The following PLXNA4 variants were observed in gnomAD, a reference collection of about 807,000 sequenced individuals.
PLXNA4 encodes plexin A4, also known as plexin-A4.
PLXNA4 carries 44 observed loss-of-function variants against 191.8 expected under a neutral mutation model. The ratio of observed to expected loss-of-function variants is 0.23; its 90% CI spans 0.18 to 0.29. The LOEUF is 0.29. PLXNA4 is among the 10% of genes least tolerant of loss of function. The pLI is 1.00. For missense variants in PLXNA4, 1,800 were observed against 2,488.8 expected (o/e 0.72, Z 5.89); for synonymous variants, 1,082 against 1,009.5 (o/e 1.07, Z -1.36).
intron 10 of PLXNA4, among the ~76,000 whole-genome samples, chr7:132,207,697 C>T (rs1424202364): frequency 6.6e-6 from 1 of 152,228 alleles, no homozygotes; most frequent in African/African-American, 2.4e-5. Flanking sequence ...TTATCACCCA[C>T]CTCCTTCTGC....
intron 3 of PLXNA4, among the ~76,000 whole-genome samples, chr7:132,420,190 C>T (rs1030179633): frequency 6.6e-6 from 1 of 152,184 alleles, no homozygotes; most frequent in African/African-American, 2.4e-5. Flanking sequence ...TGTATTAGAG[C>T]ATGAATTCTA....
At chr7:132,612,946 C>A (rs1175376024) in intron 2 of PLXNA4, among the ~76,000 whole-genome samples, 3 of 151,928 alleles carry the variant, frequency 2.0e-5, no homozygotes, top group Non-Finnish European at 4.4e-5. Flanking sequence ...AATATATATA[C>A]ATTTACTACA....
intron 2 of PLXNA4, among the ~76,000 whole-genome samples, chr7:132,607,676 C>T (rs1802952712): frequency 6.6e-6 from 1 of 152,188 alleles, no homozygotes; most frequent in South Asian, 2.1e-4. Flanking sequence ...TCACTTTCCT[C>T]ACGTTAATTA....
chr7:132,181,436 G>T lies in PLXNA4; in HGVS notation c.3437C>A (p.Ala1146Asp). 1 of 1,614,114 alleles carries T rather than the reference G, an allele frequency of 6.2e-7. No homozygotes were observed. The highest frequency in any genetic ancestry group is 8.5e-7 in the Non-Finnish European group (1 of 1,180,028). Residue 1146 changes from alanine (A) to aspartate (D), a missense_variant, in exon 18 of 32, where the codon GCC becomes GAC. Physicochemically the swap from Ala to Asp is moderately radical, Grantham distance 126. This residue lies in a region of PLXNA4 where 1,397 missense variants were observed against 1,880.4 expected (regional missense o/e 0.74). Transcript: ENST00000321063. ...FTYYPNPVFE[A>D]FGPSGILELK... is the part of the protein sequence containing the mutation. ...CTCCAGGATTCCTGAGGGACCAAAGGCCTCAAACACCGGGTTGGGATAGTA... is the reference window on the plus strand; with the variant it reads ...CTCCAGGATTCCTGAGGGACCAAAGTCCTCAAACACCGGGTTGGGATAGTA...
chr7:132,607,011 G>T (rs1408874129), intron 2 of PLXNA4, among the ~76,000 whole-genome samples: 1 of 152,146 alleles, frequency 6.6e-6, no homozygotes, highest in Non-Finnish European at 1.5e-5. Context: ...TTGGAATGGG[G>T]TTTCTGAATC....
At chr7:132,368,276 T>G (rs1422214940) in intron 3 of PLXNA4, among the ~76,000 whole-genome samples, 1 of 152,140 alleles carries the variant, frequency 6.6e-6, no homozygotes, top group Non-Finnish European at 1.5e-5. Flanking sequence ...TTAGTGTTTT[T>G]CCTTTAGGTT....
intron 1 of PLXNA4, among the ~76,000 whole-genome samples, chr7:132,574,654 C>G (rs1236309485): frequency 6.6e-6 from 1 of 152,200 alleles, no homozygotes; most frequent in Admixed American, 6.5e-5. Flanking sequence ...TTGCTTTATT[C>G]CATCTATGCT....
At chr7:132,607,678 C>T (rs181121289) in intron 2 of PLXNA4, among the ~76,000 whole-genome samples, 70 of 152,288 alleles carry the variant, frequency 4.6e-4, no homozygotes, top group African/African-American at 1.4e-3. Flanking sequence ...ACTTTCCTCA[C>T]GTTAATTAAT....
At chr7:132,152,854 C>T (rs891648041) in intron 25 of PLXNA4, among the ~76,000 whole-genome samples, 4 of 152,204 alleles carry the variant, frequency 2.6e-5, no homozygotes, top group Non-Finnish European at 5.9e-5. Flanking sequence ...AGGACACCTA[C>T]AGTCCCATCT....
intron 3 of PLXNA4, among the ~76,000 whole-genome samples, chr7:132,464,781 G>A (rs1345719509): frequency 3.3e-5 from 5 of 152,204 alleles, no homozygotes; most frequent in Admixed American, 6.5e-5. Context: ...TGCCAGTGGT[G>A]TAGGCATTCT....
Position 132,152,102 on chromosome 7 carries a change from C to T in PLXNA4, c.4661-3456G>A, listed in dbSNP as rs142518433. Among the ~76,000 whole-genome samples the T allele has an allele frequency of 1.7e-3, 261 of 152,292 alleles. 2 individuals carry two copies. Among genetic ancestry groups the T allele is most frequent in the African/African-American group, 6.1e-3 (254 of 41,560 alleles). ...TGGGCATGGGCTCAGCTTTCTGGAG[C>T]GCTCTTGCACGACTTCCTGACCTTC... On this transcript the variant is annotated intron_variant, in intron 25 of 31. Transcript: ENST00000321063.
chr7:132,562,830 TC>T (rs1801301509), intron 1 of PLXNA4, among the ~76,000 whole-genome samples: 1 of 112,230 alleles, frequency 8.9e-6, no homozygotes, highest in Non-Finnish European at 1.8e-5. Flanking sequence ...CTCCTCCTTC[TC>T]CTCCTCCTTC....
intron 3 of PLXNA4, among the ~76,000 whole-genome samples, chr7:132,316,935 T>C (rs1801966115): frequency 6.6e-6 from 1 of 151,626 alleles, no homozygotes; most frequent in Admixed American, 6.6e-5. Context: ...TTGGATTGGA[T>C]TGAGTTGTAT....
intron 1 of PLXNA4, among the ~76,000 whole-genome samples, chr7:132,562,984 T>TCTCCCTCCTCC (rs1563175149): frequency 1.9e-4 from 8 of 43,084 alleles, no homozygotes; most frequent in African/African-American, 2.4e-4. Flanking sequence ...CTCCTCCTCC[T>TCTCCCTCCTCC]TCTCCTCCTC....
At chr7:132,315,004 G>C (rs116812710) in intron 3 of PLXNA4, among the ~76,000 whole-genome samples, 1 of 152,188 alleles carries the variant, frequency 6.6e-6, no homozygotes, top group Non-Finnish European at 1.5e-5. Context: ...AAAGTGTCAG[G>C]TTATTAAGGA....
chr7:132,266,471 A>G (rs1251533506), intron 4 of PLXNA4: 2 of 152,308 alleles, frequency 1.3e-5, no homozygotes, highest in East Asian at 3.9e-4. Flanking sequence ...AGCCTACGAA[A>G]CTCTTAATGA....
At chr7:132,203,200 G>T in intron 11 of PLXNA4, 123 bp downstream of exon 11, 2 of 842,012 alleles carry the variant, frequency 2.4e-6, no homozygotes, top group South Asian at 1.6e-5. Flanking sequence ...GGGGCTCAGA[G>T]GGAGAGGGAC....
chr7:132,145,546 G>A (rs1362156083), intron 28 of PLXNA4: 3 of 486,538 alleles, frequency 6.2e-6, no homozygotes, highest in Non-Finnish European at 7.3e-6. Flanking sequence ...CCAACAACAC[G>A]GTTTGGTTGA....
At chr7:132,480,196 G>A (rs369226913) in intron 3 of PLXNA4, among the ~76,000 whole-genome samples, 3 of 152,298 alleles carry the variant, frequency 2.0e-5, no homozygotes, top group African/African-American at 7.2e-5. Context: ...ATACTACAGA[G>A]CGACAGGAAG....
Sources: allele counts gnomAD v4.1 joint callset (sites outside exome capture counted in the v4.1 genomes callset), GRCh38; gene constraint gnomAD v4.1.1; regional missense constraint gnomAD v4.1.1; transcripts MANE v1.5; gene names NCBI Gene and HGNC (gene_info 2026-07-23, HGNC 2026-07-21).